NUP85: variants seen among roughly 807,000 people sequenced by gnomAD.
NUP85 encodes nuclear pore complex protein Nup85.
A neutral mutation model predicts 92.8 loss-of-function variants in NUP85; 23 were observed. The observed-to-expected ratio is 0.25, with a 90% CI of 0.18 to 0.35. The LOEUF is 0.35. NUP85 is among the 10% of genes least tolerant of loss of function. The probability of loss-of-function intolerance (pLI) is 1.00; values close to 1 mark genes in which losing one functional copy is unlikely to be tolerated. For synonymous variants in NUP85, 314 were observed against 306.9 expected (o/e 1.02, Z -0.24); for missense variants, 759 against 822.8 (o/e 0.92, Z 0.95).
In NUP85 at chr17:75,234,637, G is replaced by C. The variant is rs1420788212; in HGVS notation, c.1616G>C (p.Gly539Ala). 1.2e-6 allele frequency: 2 copies of C among 1,613,904 alleles called. 1 individual carries two copies. Among genetic ancestry groups the C allele is most frequent in the Non-Finnish European group, 1.7e-6 (2 of 1,179,876 alleles). Residue 539 changes from glycine to alanine, a missense_variant and splice_region_variant, in exon 17 of 19, where the codon GGA becomes GCA. Transcript: ENST00000245544. ...MMLSDRLTFL[G>A]KYREFHRMYG... ...ACTCAGTGCTCTTGTTTCGCCATAG[G>C]AAAGTATCGCGAGTTCCACCGTATG...
At chr17:75,235,454 G>A (rs754664244) in intron 18 of NUP85, 124 bp from the exon 19 acceptor site, 1 of 676,036 alleles carries the variant, frequency 1.5e-6, no homozygotes, top group South Asian at 1.9e-5. Flanking sequence ...CTTTTACATC[G>A]ATAATTTGCT....
At chr17:75,212,236 TTTTTGTTGTTG>T (rs1204582049) in intron 4 of NUP85, among the ~76,000 whole-genome samples, 174 bp downstream of exon 4, 1 of 3,208 alleles carries the variant, frequency 3.1e-4, no homozygotes, top group African/African-American at 4.4e-4. Flanking sequence ...GAGGTTTTTT[TTTTTGTTGTTG>T]TTTTTTTTTT....
At chr17:75,226,215 T>G (rs1007440701) in intron 11 of NUP85, 58 bp downstream of exon 11, 50 of 1,449,122 alleles carry the variant, frequency 3.5e-5, no homozygotes, top group Non-Finnish European at 4.6e-5. Flanking sequence ...TATCACCACC[T>G]TGCGTTTCTA....
At chr17:75,229,560 C>G (rs2075961207) in intron 11 of NUP85, among the ~76,000 whole-genome samples, 1 of 152,170 alleles carries the variant, frequency 6.6e-6, no homozygotes, top group Non-Finnish European at 1.5e-5. Flanking sequence ...CAGAATCCTT[C>G]AGAGTGAGAG....
At chr17:75,226,850 G>T in intron 11 of NUP85, 1 of 396,724 alleles carries the variant, frequency 2.5e-6, no homozygotes, top group Non-Finnish European at 5.0e-6. Flanking sequence ...TTATGGGATG[G>T]CGTGTTCCAA....
At chr17:75,229,033 G>T (rs183946713) in intron 11 of NUP85, 2 of 985,480 alleles carry the variant, frequency 2.0e-6, no homozygotes, top group East Asian at 1.1e-4. Flanking sequence ...TTGCTGTCTG[G>T]CAAGAGGAAA....
At position 75,212,022 on chromosome 17, in the gene NUP85, A is replaced by G. The variant is rs767005419; in HGVS notation, c.321A>G (p.Ser107=). 2.0e-5 allele frequency: 32 copies of G among 1,613,736 alleles called. No individual in the cohort carries two copies. The highest frequency in any genetic ancestry group is 2.6e-5 in the Non-Finnish European group (31 of 1,179,908). The stretch of plus-strand genomic sequence containing the variant: ...TTCGAGTGAGTAAAAACTACCGATC[A>G]GTCATCAGAGCATGTATGGAGGAAA... ...QLVRVSKNYR[S]VIRACMEEMH... Residue 107 remains serine (S), a synonymous_variant, in exon 4 of 19, where the codon TCA becomes TCG. Coordinates refer to ENST00000245544, the MANE Select transcript of NUP85 (RefSeq NM_024844.5).
chr17:75,234,652 T>TCCA lies in NUP85; in HGVS notation c.1634_1636dup (p.His545dup). 1 of 1,614,172 alleles carries TCCA rather than the reference T, an allele frequency of 6.2e-7. No individual in the cohort carries two copies. The highest frequency in any genetic ancestry group is 8.5e-7 in the Non-Finnish European group (1 of 1,180,014). On this transcript the variant is annotated inframe_insertion, in exon 17 of 19. Coordinates refer to ENST00000245544, the MANE Select transcript of NUP85 (RefSeq NM_024844.5). ...TTCGCCATAGGAAAGTATCGCGAGTTCCACCGTATGTACGGGGAGAAGCGT... is the reference window on the plus strand; with the variant it reads ...TTCGCCATAGGAAAGTATCGCGAGTTCCACCACCGTATGTACGGGGAGAAGCGT...
intron 7 of NUP85, 120 bp from the exon 8 acceptor site, chr17:75,224,983 G>C: frequency 9.9e-7 from 1 of 1,010,702 alleles, no homozygotes. Context: ...CTCAGGTGCA[G>C]AAAGAAGCCT....
At chr17:75,206,874 C>G (rs953601710) in intron 1 of NUP85, among the ~76,000 whole-genome samples, 1 of 150,998 alleles carries the variant, frequency 6.6e-6, no homozygotes, top group African/African-American at 2.4e-5. Context: ...ATTTTTTGTA[C>G]TTTTTTGTAT....
At chr17:75,226,015 G>T in intron 10 of NUP85, 36 bp from the exon 11 acceptor site, 2 of 1,610,474 alleles carry the variant, frequency 1.2e-6, no homozygotes, top group Non-Finnish European at 1.7e-6. Flanking sequence ...CTCTGCTTCC[G>T]TCCTCAGGAT....
chr17:75,215,824 G>A lies in NUP85; in HGVS notation c.475+1G>A. The A allele has an allele frequency of 1.2e-6, 2 of 1,613,354 alleles. No individual in the cohort carries two copies. The highest frequency in any genetic ancestry group is 1.7e-6 in the Non-Finnish European group (2 of 1,179,312). On this transcript the variant is annotated splice_donor_variant, in intron 6 of 18. Transcript: ENST00000245544. LOFTEE classifies it high-confidence loss of function. ...ATTCTTTTTATTGAAGTGGCCCCAG[G>A]TAGGCATGGAATATCTCACCATAAT...
intron 10 of NUP85, 30 bp from the exon 11 acceptor site, chr17:75,226,021 A>G (rs1158681612): frequency 4.3e-6 from 7 of 1,611,528 alleles, no homozygotes; most frequent in Non-Finnish European, 5.1e-6. Context: ...TTCCGTCCTC[A>G]GGATTGAGTG....
chr17:75,208,443 A>C (rs989830212), intron 1 of NUP85, 84 bp from the exon 2 acceptor site: 1 of 43,602 alleles, frequency 2.3e-5, no homozygotes, highest in Non-Finnish European at 7.7e-5. Context: ...TTTGTCTCAA[A>C]AAAAAAAAAA....
intron 7 of NUP85, 24 bp from the exon 8 acceptor site, chr17:75,225,079 T>C (rs1305387179): frequency 6.6e-7 from 1 of 1,522,700 alleles, no homozygotes; most frequent in Admixed American, 2.1e-5. Context: ...CTGCCAATGC[T>C]TATGGGCCCG....
At chr17:75,221,274 G>A (rs2075591418) in intron 7 of NUP85, among the ~76,000 whole-genome samples, 1 of 152,000 alleles carries the variant, frequency 6.6e-6, no homozygotes, top group African/African-American at 2.4e-5. Flanking sequence ...TCTCAGCTGG[G>A]ATTATAGGCT....
intron 4 of NUP85, 23 bp downstream of exon 4, chr17:75,212,085 C>CGTGTGTGT: frequency 7.2e-7 from 1 of 1,397,896 alleles, no homozygotes; most frequent in Non-Finnish European, 9.5e-7. Flanking sequence ...TGCGCGTGCG[C>CGTGTGTGT]GCGTGTGTGT....
At chr17:75,213,625 C>G (rs950311463) in intron 5 of NUP85, among the ~76,000 whole-genome samples, 1 of 151,908 alleles carries the variant, frequency 6.6e-6, no homozygotes, top group African/African-American at 2.4e-5. Context: ...CATATATGTC[C>G]TGACCAAATT....
In NUP85 at chr17:75,234,749, T is replaced by C; in HGVS notation, c.1728T>C (p.Thr576=). 1 of 1,614,222 alleles carries C rather than the reference T, an allele frequency of 6.2e-7. No homozygotes were observed. The highest frequency in any genetic ancestry group is 8.5e-7 in the Non-Finnish European group (1 of 1,180,036). The change falls in exon 17 of 19, where the codon ACT becomes ACC. Residue 576 remains threonine (T), a synonymous_variant. Transcript: ENST00000245544. ...TTGCCCCTCGGTCTTTCTGGATGAC[T>C]CTGCTGACAGACGCCTTGCCCCTTT... is the stretch of plus-strand genomic sequence containing the variant. ...SRIAPRSFWM[T]LLTDALPLLE...
Sources: gnomAD v4.1 joint callset for allele counts (sites outside exome capture counted in the v4.1 genomes callset) on GRCh38, gnomAD v4.1.1 for gene constraint, MANE v1.5 for transcripts, NCBI Gene and HGNC (gene_info 2026-07-23, HGNC 2026-07-21) for gene names.